The following ABCC8 variants were observed in gnomAD, a reference collection of about 807,000 sequenced individuals.
The protein encoded by ABCC8 is ATP binding cassette subfamily C member 8, also known as ATP-binding cassette sub-family C member 8.
In ABCC8, 137 loss-of-function variants were observed where a neutral mutation model predicts 188.0. The ratio of observed to expected loss-of-function variants is 0.73; its 90% CI spans 0.63 to 0.84. The LOEUF is 0.84. Ranked by LOEUF, ABCC8 falls within the 40% of genes least tolerant of loss-of-function variation. ABCC8 has a pLI of 0.00. For missense variants in ABCC8, 1,750 were observed against 2,072.7 expected, an observed-to-expected ratio of 0.84 and a Z score of 3.02; for synonymous variants, 797 against 846.5, an observed-to-expected ratio of 0.94 and a Z score of 1.01.
rs753235776 is a variant in ABCC8 at position 17,470,132 on chromosome 11, G to C, written c.381C>G (p.Ile127Met). The change falls in exon 3 of 39, where the codon ATC (isoleucine) becomes ATG (methionine). Residue 127 changes from isoleucine (I) to methionine (M), a missense_variant. Coordinates refer to ENST00000389817, the MANE Select transcript of ABCC8 (RefSeq NM_000352.6). ...GCAGCTTGGGGAAGTTGGAAGTCTC[G>C]ATGTTGTGATAGTAGACCACGGAGG... Reference protein sequence around the residue: ...AVTSVVYYHNIETSNFPKLLI... With the variant: ...AVTSVVYYHNMETSNFPKLLI... 1.2e-6 allele frequency: 2 copies of C among 1,614,136 alleles called. No homozygotes were observed. The highest frequency in any genetic ancestry group is 1.7e-6 in the Non-Finnish European group (2 of 1,180,040).
At chr11:17,442,974 C>G (rs146309374) in intron 9 of ABCC8, 92 bp from the exon 10 acceptor site, 1 of 1,599,390 alleles carries the variant, frequency 6.3e-7, no homozygotes, top group Non-Finnish European at 8.5e-7. Context: ...ACTGCCATGC[C>G]CGCCTCCTGT....
At chr11:17,460,373 T>C in intron 6 of ABCC8, 115 bp downstream of exon 6, 1 of 1,507,804 alleles carries the variant, frequency 6.6e-7, no homozygotes, top group African/African-American at 1.4e-5. Context: ...GCTTTGCGCA[T>C]GTGTGAGGAG....
At chr11:17,473,845 G>C (rs967468689) in intron 2 of ABCC8, among the ~76,000 whole-genome samples, 1 of 152,202 alleles carries the variant, frequency 6.6e-6, no homozygotes, top group African/African-American at 2.4e-5. Flanking sequence ...TCTCTCTTCT[G>C]TTCCAAACTG....
At chr11:17,431,507 G>A (rs1038011221) in intron 11 of ABCC8, among the ~76,000 whole-genome samples, 7 of 152,320 alleles carry the variant, frequency 4.6e-5, no homozygotes, top group South Asian at 2.1e-4. Flanking sequence ...CTGGCCCCGG[G>A]GGAAATAAGC....
chr11:17,443,306 C>CAA lies in ABCC8; in HGVS notation c.1337_1338dup (p.Val447LeufsTer4). ...ATGTAGTAGAGGAGAATCACACCCA[C>CAA]AATGATCTGAGGAAGGGGTCATGGG... On this transcript the variant is annotated frameshift_variant, in exon 9 of 39. Coordinates refer to ENST00000389817, the MANE Select transcript of ABCC8 (RefSeq NM_000352.6). LOFTEE classifies it high-confidence loss of function. The CAA allele has an allele frequency of 1.2e-6, 2 of 1,614,124 alleles. No individual in the cohort carries two copies. Among genetic ancestry groups the CAA allele is most frequent in the Non-Finnish European group, 1.7e-6 (2 of 1,180,042 alleles).
intron 29 of ABCC8, among the ~76,000 whole-genome samples, chr11:17,400,466 C>G (rs1187297542): frequency 6.6e-6 from 1 of 152,124 alleles, no homozygotes; most frequent in Non-Finnish European, 1.5e-5. Context: ...AGAAAAGAGC[C>G]CCAGCCTCGG....
chr11:17,418,633 T>C (rs1394086824), intron 16 of ABCC8, among the ~76,000 whole-genome samples: 1 of 152,148 alleles, frequency 6.6e-6, no homozygotes, highest in Non-Finnish European at 1.5e-5. Context: ...AGGTGGTTAT[T>C]GATGCATCTG....
At chr11:17,457,279 C>T (rs1433495058) in intron 6 of ABCC8, among the ~76,000 whole-genome samples, 2 of 152,188 alleles carry the variant, frequency 1.3e-5, no homozygotes, top group African/African-American at 4.8e-5. Context: ...CACATGCACA[C>T]ACACACGCAG....
chr11:17,397,664 C>T lies in ABCC8; in HGVS notation c.3867+20G>A. On this transcript the variant is annotated intron_variant, in intron 31 of 38. Coordinates refer to ENST00000389817, the MANE Select transcript of ABCC8 (RefSeq NM_000352.6). ...TGCTGGTGTCTGACCCCTCCTCTGC[C>T]CTAGCCCACTGCCGCTCACCATTAG... is the stretch of plus-strand genomic sequence containing the variant. 1.9e-6 allele frequency: 3 copies of T among 1,608,950 alleles called. No individual in the cohort carries two copies. Among genetic ancestry groups the T allele is most frequent in the South Asian group, 2.2e-5 (2 of 90,904 alleles).
At chr11:17,432,909 T>C (rs1376761683) in intron 10 of ABCC8, among the ~76,000 whole-genome samples, 1 of 152,136 alleles carries the variant, frequency 6.6e-6, no homozygotes, top group Non-Finnish European at 1.5e-5. Flanking sequence ...CCCTGCTACT[T>C]ATAAGCTGTG....
rs528431622 is a variant in ABCC8, at chr11:17,437,283, A to G, written c.1631-5039T>C. ...AACAAATCAACAAACCTGAGCTGGG[A>G]TCAGATCACCCACTCCCCCTGGCTT... On this transcript the variant is annotated intron_variant, in intron 10 of 38. Transcript: ENST00000389817. Among the ~76,000 whole-genome samples the G allele has an allele frequency of 2.9e-4, 44 of 152,260 alleles. No individual in the cohort carries two copies. The South Asian group carries it at 8.1e-3, about 28-fold the overall frequency.
chr11:17,393,838 A>C, intron 37 of ABCC8, 79 bp from the exon 38 acceptor site: 2 of 1,613,490 alleles, frequency 1.2e-6, no homozygotes, highest in Non-Finnish European at 8.5e-7. Flanking sequence ...TGTGGAGCCC[A>C]GGTCTGTGGC....
intron 16 of ABCC8, 71 bp from the exon 17 acceptor site, chr11:17,417,033 T>G: frequency 6.2e-7 from 1 of 1,607,442 alleles, no homozygotes; most frequent in Non-Finnish European, 8.5e-7. Context: ...TCACGCTGAG[T>G]CTTAGGGGAG....
At chr11:17,440,403 T>C (rs1591827304) in intron 10 of ABCC8, among the ~76,000 whole-genome samples, 1 of 152,090 alleles carries the variant, frequency 6.6e-6, no homozygotes, top group South Asian at 2.1e-4. Context: ...AGAGAGAAGG[T>C]TGAAGTGGGC....
chr11:17,476,825 C>T lies in ABCC8; in HGVS notation c.-49G>A, dbSNP rs77498130. 6.9e-7 allele frequency: 1 copy of T among 1,451,164 alleles called. No homozygotes were observed. Among genetic ancestry groups the T allele is most frequent in the Non-Finnish European group, 9.1e-7 (1 of 1,104,962 alleles). The allele number at this position is 1,451,164 out of a possible 1,614,324, so 89.9% of individuals were successfully genotyped here. A position where few individuals can be genotyped will look rare whatever the true frequency, so the allele number is the denominator to read the frequency against. ...TCGGGCTCAGCTGGCTCCGCTGGCT[C>T]CGCGCGCCTGCCGCGCCTCTGTCCC... On this transcript the variant is annotated 5_prime_UTR_variant, in exon 1 of 39. Transcript: ENST00000389817.
chr11:17,397,525 G>C, intron 31 of ABCC8, 159 bp downstream of exon 31: 1 of 1,413,352 alleles, frequency 7.1e-7, no homozygotes, highest in South Asian at 1.3e-5. Flanking sequence ...CTGGGCCCTG[G>C]GGCCTGCTGG....
At chr11:17,428,239 C>T in intron 14 of ABCC8, 50 bp downstream of exon 14, 5 of 1,612,730 alleles carry the variant, frequency 3.1e-6, no homozygotes, top group Non-Finnish European at 4.2e-6. Context: ...GTGCTGAGCT[C>T]CCTCTGGGAG....
Position 17,393,697 on chromosome 11 carries a change from C to A in ABCC8, c.4608G>T (p.Ala1536=). The A allele has an allele frequency of 6.2e-7, 1 of 1,614,226 alleles. No individual in the cohort carries two copies. The highest frequency in any genetic ancestry group is 1.1e-5 in the South Asian group (1 of 91,092). ...AFADRTVVTI[A]HRVHTILSAD... is the part of the protein sequence containing the mutation. ...TGCACCCCATCAATGGGCCCCTTAC[C>A]GCGATGGTGACCACAGTGCGGTCTG... The change falls in exon 38 of 39, where the codon GCG becomes GCT. Residue 1536 remains alanine, a splice_region_variant and synonymous_variant. Coordinates refer to ENST00000389817, the MANE Select transcript of ABCC8 (RefSeq NM_000352.6).
chr11:17,407,815 G>A (rs1407335382), intron 23 of ABCC8, among the ~76,000 whole-genome samples: 2 of 152,184 alleles, frequency 1.3e-5, no homozygotes, highest in Non-Finnish European at 2.9e-5. Flanking sequence ...GGACCAGTGA[G>A]ACTCAGCCCT....
Sources: allele counts gnomAD v4.1 joint callset (sites outside exome capture counted in the v4.1 genomes callset), GRCh38; gene constraint gnomAD v4.1.1; transcripts MANE v1.5; gene names NCBI Gene and HGNC (gene_info 2026-07-23, HGNC 2026-07-21).